Variants in GRIP1 observed in about 807,000 individuals in gnomAD.
The protein encoded by GRIP1 is glutamate receptor-interacting protein 1.
A neutral mutation model predicts 129.9 loss-of-function variants in GRIP1; 45 were observed. That is an observed-to-expected ratio of 0.35 (90% CI 0.27 to 0.44). The LOEUF (loss-of-function observed/expected upper bound fraction) is 0.44. Ranked by LOEUF, GRIP1 falls within the 20% of genes least tolerant of loss-of-function variation. The pLI is 1.00. For missense variants in GRIP1, 1,196 were observed against 1,396.8 expected, an observed-to-expected ratio of 0.86 and a Z score of 2.29; for synonymous variants, 530 against 520.8, an observed-to-expected ratio of 1.02 and a Z score of -0.24.
chr12:66,530,585 G>T (rs1228614810), intron 4 of GRIP1, among the ~76,000 whole-genome samples: 1 of 152,104 alleles, frequency 6.6e-6, no homozygotes, highest in Non-Finnish European at 1.5e-5. Context: ...AAATGGAATT[G>T]TATTGTCAAG....
chr12:66,970,044 G>A (rs150361343), intron 1 of GRIP1, among the ~76,000 whole-genome samples: 3 of 152,192 alleles, frequency 2.0e-5, no homozygotes, highest in East Asian at 3.9e-4. Flanking sequence ...TGGTTCTGAC[G>A]CTTGCTTTGT....
At chr12:66,757,019 G>A (rs1340625153) in intron 1 of GRIP1, among the ~76,000 whole-genome samples, 1 of 152,084 alleles carries the variant, frequency 6.6e-6, no homozygotes, top group Non-Finnish European at 1.5e-5. Flanking sequence ...TTTGATAAAG[G>A]CATATAGGGA....
At chr12:66,629,986 T>G (rs1236764260) in intron 1 of GRIP1, among the ~76,000 whole-genome samples, 1 of 151,552 alleles carries the variant, frequency 6.6e-6, no homozygotes, top group Admixed American at 6.6e-5. Context: ...CTTTACACAC[T>G]TTTTTTTTAA....
intron 1 of GRIP1, among the ~76,000 whole-genome samples, chr12:67,042,362 A>T (rs1342357690): frequency 6.6e-6 from 1 of 152,104 alleles, no homozygotes; most frequent in Non-Finnish European, 1.5e-5. Flanking sequence ...ATAAAATGAG[A>T]CCCCTTTTTC....
chr12:67,019,475 A>C (rs976626740), intron 1 of GRIP1, among the ~76,000 whole-genome samples: 3 of 152,238 alleles, frequency 2.0e-5, no homozygotes, highest in African/African-American at 7.2e-5. Context: ...AAAGATGTAC[A>C]TCGTGAAAAA....
chr12:66,903,010 C>T (rs560432279), intron 1 of GRIP1, among the ~76,000 whole-genome samples: 3 of 152,070 alleles, frequency 2.0e-5, no homozygotes, highest in African/African-American at 7.2e-5. Flanking sequence ...ATTATTTATA[C>T]AAACACAGTT....
At chr12:66,447,644 C>T (rs1267654435) in intron 11 of GRIP1, among the ~76,000 whole-genome samples, 1 of 152,050 alleles carries the variant, frequency 6.6e-6, no homozygotes, top group East Asian at 1.9e-4. Flanking sequence ...CTAATTCCCC[C>T]TTTTAGTGTT....
At chr12:66,920,132 T>C (rs930477114) in intron 1 of GRIP1, among the ~76,000 whole-genome samples, 2 of 152,086 alleles carry the variant, frequency 1.3e-5, no homozygotes, top group Admixed American at 6.6e-5. Flanking sequence ...ATAGAGATTA[T>C]CAAGAATTAG....
At chr12:66,517,579 G>A (rs908136660) in intron 6 of GRIP1, among the ~76,000 whole-genome samples, 14 of 152,082 alleles carry the variant, frequency 9.2e-5, no homozygotes, top group African/African-American at 3.1e-4. Flanking sequence ...CCTGTGCCAT[G>A]CCCCCTGCAA....
At chr12:66,468,682 T>G (rs1398614828) in intron 7 of GRIP1, among the ~76,000 whole-genome samples, 1 of 150,502 alleles carries the variant, frequency 6.6e-6, no homozygotes. Context: ...TAAGTTAGTT[T>G]TTTTTTTTCA....
At chr12:66,542,090 T>C in intron 2 of GRIP1, 140 bp from the exon 3 acceptor site, 1 of 819,132 alleles carries the variant, frequency 1.2e-6, no homozygotes, top group Non-Finnish European at 2.1e-6. Flanking sequence ...TTGAAGAATA[T>C]TTCATAAAGA....
chr12:66,824,991 A>G (rs1304904968), intron 1 of GRIP1, among the ~76,000 whole-genome samples: 2 of 152,112 alleles, frequency 1.3e-5, no homozygotes, highest in Non-Finnish European at 2.9e-5. Flanking sequence ...TGATAAACAA[A>G]TCATTCTCTT....
At chr12:66,409,740 T>C (rs1032532133) in intron 15 of GRIP1, among the ~76,000 whole-genome samples, 1 of 152,208 alleles carries the variant, frequency 6.6e-6, no homozygotes, top group African/African-American at 2.4e-5. Context: ...TGTATGGCCT[T>C]TCATACAGAG....
intron 1 of GRIP1, among the ~76,000 whole-genome samples, chr12:66,676,551 C>G (rs2034343051): frequency 6.6e-6 from 1 of 152,100 alleles, no homozygotes; most frequent in Non-Finnish European, 1.5e-5. Flanking sequence ...CTAGACAAAT[C>G]CAATTCATTT....
At chr12:66,632,175 T>G (rs1215460480) in intron 1 of GRIP1, among the ~76,000 whole-genome samples, 2 of 152,158 alleles carry the variant, frequency 1.3e-5, no homozygotes, top group African/African-American at 4.8e-5. Context: ...CCAAGGGGAC[T>G]GGAGTATAAT....
At chr12:66,663,590 T>G (rs1369670639) in intron 1 of GRIP1, among the ~76,000 whole-genome samples, 1 of 152,050 alleles carries the variant, frequency 6.6e-6, no homozygotes, top group East Asian at 1.9e-4. Context: ...GTGGGGTGGG[T>G]GAAGGAGTCC....
chr12:66,840,576 G>T (rs762496958), intron 1 of GRIP1, among the ~76,000 whole-genome samples: 3 of 152,188 alleles, frequency 2.0e-5, no homozygotes, highest in Non-Finnish European at 4.4e-5. Context: ...TTTCTTGCCA[G>T]TGATGTTATT....
chr12:66,762,418 T>C (rs2037504223), intron 1 of GRIP1, among the ~76,000 whole-genome samples: 2 of 152,204 alleles, frequency 1.3e-5, no homozygotes, highest in African/African-American at 2.4e-5. Context: ...TGGAGCTTCT[T>C]AGTCTTCTTA....
At chr12:66,753,680 G>T (rs1275512685) in intron 1 of GRIP1, among the ~76,000 whole-genome samples, 1 of 152,140 alleles carries the variant, frequency 6.6e-6, no homozygotes, top group African/African-American at 2.4e-5. Flanking sequence ...TTTGTTCCCA[G>T]AGCATTTATT....
Sources: allele counts gnomAD v4.1 joint callset (sites outside exome capture counted in the v4.1 genomes callset), GRCh38; gene constraint gnomAD v4.1.1; transcripts MANE v1.5; gene names NCBI Gene and HGNC (gene_info 2026-07-23, HGNC 2026-07-21).